RAD51B: variants seen among roughly 807,000 people sequenced by gnomAD.
RAD51B encodes the protein RAD51 paralog B, also known as DNA repair protein RAD51 homolog 2.
Under a neutral mutation model 42.2 loss-of-function variants are expected in RAD51B, and 38 were observed. That is an observed-to-expected ratio of 0.90 (90% CI 0.70 to 1.18). The LOEUF (loss-of-function observed/expected upper bound fraction) is 1.18. Ranked by LOEUF, RAD51B falls within the 50% of genes most tolerant of loss-of-function variation. The probability of loss-of-function intolerance (pLI) is 0.00; values close to 1 mark genes in which losing one functional copy is unlikely to be tolerated. For synonymous variants in RAD51B, 154 were observed against 145.2 expected, an observed-to-expected ratio of 1.06 and a Z score of -0.43; for missense variants, 373 against 400.7, an observed-to-expected ratio of 0.93 and a Z score of 0.59.
chr14:68,595,126 A>G (rs945256383), exon 11 of RAD51B: 2 of 1,066,852 alleles, frequency 1.9e-6, no homozygotes, highest in Non-Finnish European at 1.1e-6. Context: ...ATGCCTCAGC[A>G]TGTTAGGAGC....
chr14:68,656,558 G>C (rs780607435), intron 11 of RAD51B, among the ~76,000 whole-genome samples: 15 of 152,164 alleles, frequency 9.9e-5, no homozygotes, highest in Middle Eastern at 3.4e-3. Context: ...CCTCTGTGAG[G>C]GGTGCAGAGC....
At chr14:68,311,519 A>T (rs528808640) in intron 8 of RAD51B, among the ~76,000 whole-genome samples, 1 of 152,346 alleles carries the variant, frequency 6.6e-6, no homozygotes, top group East Asian at 1.9e-4. Context: ...TATCATACTT[A>T]AAACAGCACT....
intron 10 of RAD51B, among the ~76,000 whole-genome samples, chr14:68,555,049 T>C (rs2079211): frequency 0.22 from 33,408 of 152,024 alleles, 4,364 homozygotes; most frequent in South Asian, 0.32. Flanking sequence ...AGTTTCACTA[T>C]GTTGGCCAGG....
intron 11 of RAD51B, among the ~76,000 whole-genome samples, chr14:68,678,586 A>AG (rs1377819445): frequency 6.6e-6 from 1 of 152,112 alleles, no homozygotes; most frequent in East Asian, 1.9e-4. Context: ...CCTGGGAAGT[A>AG]GGGGGGTGGC....
intron 1 of RAD51B, among the ~76,000 whole-genome samples, chr14:67,820,510 C>G (rs58112975): frequency 0.037 from 5,616 of 152,182 alleles, 308 homozygotes; most frequent in African/African-American, 0.12. Flanking sequence ...CCCTCATGTG[C>G]AATACACATA....
intron 4 of RAD51B, among the ~76,000 whole-genome samples, chr14:67,849,627 A>C (rs1405215326): frequency 6.6e-6 from 1 of 152,162 alleles, no homozygotes; most frequent in African/African-American, 2.4e-5. Context: ...GTTAGTTTGA[A>C]ATATCAGTTG....
At chr14:68,583,958 G>A (rs1182497564) in intron 10 of RAD51B, among the ~76,000 whole-genome samples, 3 of 152,152 alleles carry the variant, frequency 2.0e-5, no homozygotes, top group African/African-American at 7.2e-5. Flanking sequence ...CCACAGCACC[G>A]GCCACTCCAG....
At chr14:68,638,233 G>C (rs1744230204) in intron 10 of RAD51B, among the ~76,000 whole-genome samples, 1 of 152,214 alleles carries the variant, frequency 6.6e-6, no homozygotes, top group Non-Finnish European at 1.5e-5. Context: ...AATTGAGACT[G>C]GGGGACTGGA....
At chr14:68,528,152 A>G (rs1887054446) in intron 10 of RAD51B, among the ~76,000 whole-genome samples, 1 of 152,218 alleles carries the variant, frequency 6.6e-6, no homozygotes, top group African/African-American at 2.4e-5. Flanking sequence ...TCCGTACCAT[A>G]CATCCTGAAT....
At chr14:68,667,385 C>T (rs965006511) in intron 11 of RAD51B, among the ~76,000 whole-genome samples, 1 of 143,682 alleles carries the variant, frequency 7.0e-6, no homozygotes, top group East Asian at 2.0e-4. Context: ...AAGTCCACAC[C>T]TATTTTGGCA....
intron 7 of RAD51B, among the ~76,000 whole-genome samples, chr14:67,962,109 A>G (rs1252321507): frequency 6.6e-6 from 1 of 152,220 alleles, no homozygotes; most frequent in African/African-American, 2.4e-5. Context: ...AGTATGGAAT[A>G]CAATAGAGGT....
intron 8 of RAD51B, among the ~76,000 whole-genome samples, chr14:68,356,352 G>A (rs974584935): frequency 2.6e-5 from 4 of 150,994 alleles, no homozygotes; most frequent in Non-Finnish European, 4.4e-5. Flanking sequence ...GGAGAATGGC[G>A]TGAACCCAGG....
At chr14:68,384,775 T>G (rs190398559) in intron 8 of RAD51B, among the ~76,000 whole-genome samples, 25 of 152,382 alleles carry the variant, frequency 1.6e-4, no homozygotes, top group Non-Finnish European at 1.5e-4. Flanking sequence ...AATTATATCT[T>G]AAATGTAAAA....
At chr14:68,451,483 T>A (rs1174552307) in intron 9 of RAD51B, among the ~76,000 whole-genome samples, 1 of 152,206 alleles carries the variant, frequency 6.6e-6, no homozygotes, top group Non-Finnish European at 1.5e-5. Flanking sequence ...TGTATAAAGT[T>A]CTAGCTCTCC....
At chr14:68,126,432 C>T (rs1566664672) in intron 7 of RAD51B, among the ~76,000 whole-genome samples, 1 of 152,154 alleles carries the variant, frequency 6.6e-6, no homozygotes, top group Non-Finnish European at 1.5e-5. Flanking sequence ...AGTCCTAAGT[C>T]GTTGTCAGCA....
At chr14:68,116,350 A>G (rs1219405490) in intron 7 of RAD51B, among the ~76,000 whole-genome samples, 4 of 149,976 alleles carry the variant, frequency 2.7e-5, no homozygotes, top group Admixed American at 2.7e-4. Context: ...AAAGGTTAAA[A>G]AAAAAAAAAA....
intron 10 of RAD51B, among the ~76,000 whole-genome samples, chr14:68,550,350 G>A (rs1231342165): frequency 1.3e-5 from 2 of 152,202 alleles, no homozygotes; most frequent in Admixed American, 1.3e-4. Context: ...ATTATTCATG[G>A]AATCTTTCAT....
chr14:68,490,621 G>A (rs1353319125), intron 10 of RAD51B, among the ~76,000 whole-genome samples: 2 of 152,296 alleles, frequency 1.3e-5, no homozygotes, highest in South Asian at 2.1e-4. Context: ...ACTAAACTTT[G>A]CTTTAAAATT....
intron 4 of RAD51B, among the ~76,000 whole-genome samples, chr14:67,851,478 G>A (rs34787467): frequency 0.036 from 5,437 of 152,212 alleles, 109 homozygotes; most frequent in Middle Eastern, 0.065. Context: ...AAGCCAGAAG[G>A]CAGCAGTCCT....
Sources: gnomAD v4.1 joint callset for allele counts (sites outside exome capture counted in the v4.1 genomes callset) on GRCh38, gnomAD v4.1.1 for gene constraint, MANE v1.5 for transcripts, NCBI Gene and HGNC (gene_info 2026-07-23, HGNC 2026-07-21) for gene names.